Variants in KAT6A observed in about 807,000 individuals in gnomAD.
KAT6A encodes histone acetyltransferase KAT6A.
In KAT6A, 9 loss-of-function variants were observed where a neutral mutation model predicts 198.4. That is an observed-to-expected ratio of 0.05 (90% confidence interval 0.03 to 0.08). KAT6A has a LOEUF of 0.08. Ranked by LOEUF, KAT6A falls within the 10% of genes least tolerant of loss-of-function variation. The pLI, the probability that KAT6A is intolerant of heterozygous loss-of-function variation, is 1.00. For synonymous variants in KAT6A, 890 were observed against 883.0 expected, an observed-to-expected ratio of 1.01 and a Z score of -0.14; for missense variants, 2,077 against 2,509.9, an observed-to-expected ratio of 0.83 and a Z score of 3.69.
rs1450331192 is a variant in KAT6A, at chr8:41,934,355, C to T, written c.3865G>A (p.Glu1289Lys). Reference sequence around the variant, plus strand: ...TCTGGCTCCTCTAATTCCTGCTGCTCCTCCTCTGACTGCCTCTGCTCCTCT... The same window carrying T: ...TCTGGCTCCTCTAATTCCTGCTGCTTCTCCTCTGACTGCCTCTGCTCCTCT... The part of the protein sequence containing the change: ...VSEEQRQSEE[E>K]QQELEEPEPE... Residue 1289 changes from glutamate to lysine, a missense_variant, in exon 17 of 17, where the codon GAG (glutamate) becomes AAG (lysine). This residue lies in a region of KAT6A where 375 missense variants were observed against 383.0 expected (regional missense o/e 0.98). Coordinates refer to ENST00000265713, the MANE Select transcript of KAT6A (RefSeq NM_006766.5). 5.0e-6 allele frequency: 8 copies of T among 1,613,596 alleles called. No individual in the cohort carries two copies. Among genetic ancestry groups the T allele is most frequent in the Non-Finnish European group, 6.8e-6 (8 of 1,179,652 alleles).
At chr8:41,942,271 T>C in intron 14 of KAT6A, 1 of 226,312 alleles carries the variant, frequency 4.4e-6, no homozygotes, top group Non-Finnish European at 8.8e-6. Context: ...AATAGTTACT[T>C]AATATTCTAT....
chr8:41,933,026 A>G lies in KAT6A; in HGVS notation c.5194T>C (p.Tyr1732His). ...CCAAAATCCCCTGGAATCCTCTCAT[A>G]GATACTTATGTTCCCAGTGCTTCCA... ...ESGSTGNISIYERIPGDFGAG... is the reference protein window; with the variant it reads ...ESGSTGNISIHERIPGDFGAG... Residue 1732 changes from tyrosine to histidine, a missense_variant, in exon 17 of 17, where the codon TAT becomes CAT. Coordinates refer to ENST00000265713, the MANE Select transcript of KAT6A (RefSeq NM_006766.5). This position sits in a 1 kb window ranked among gnomAD's most constrained non-coding sequence, Gnocchi z 6.2. 1 of 1,613,484 alleles carries G rather than the reference A, an allele frequency of 6.2e-7. No individual in the cohort carries two copies. The highest frequency in any genetic ancestry group is 1.1e-5 in the South Asian group (1 of 91,050).
At chr8:41,944,261 A>G (rs988549896) in intron 12 of KAT6A, among the ~76,000 whole-genome samples, 4 of 152,224 alleles carry the variant, frequency 2.6e-5, no homozygotes, top group Non-Finnish European at 5.9e-5. Context: ...CAGGACTGTT[A>G]ACAGTTTCGT....
At chr8:42,029,570 T>G (rs976702147) in intron 2 of KAT6A, among the ~76,000 whole-genome samples, 8 of 137,414 alleles carry the variant, frequency 5.8e-5, no homozygotes, top group African/African-American at 1.4e-4. Flanking sequence ...TTTTTTTTTG[T>G]TTTTTTTTTT....
At chr8:42,032,619 C>CA (rs1194403554) in intron 2 of KAT6A, among the ~76,000 whole-genome samples, 1 of 151,986 alleles carries the variant, frequency 6.6e-6, no homozygotes, top group African/African-American at 2.4e-5. Flanking sequence ...TATAAAGTCT[C>CA]AAAAAGACAA....
At chr8:41,987,944 T>C (rs1421611741) in intron 2 of KAT6A, among the ~76,000 whole-genome samples, 2 of 152,188 alleles carry the variant, frequency 1.3e-5, no homozygotes, top group African/African-American at 2.4e-5. Flanking sequence ...CAGTAAGATA[T>C]ATACAAGTAA....
intron 15 of KAT6A, 52 bp downstream of exon 15, chr8:41,940,790 G>C: frequency 6.4e-7 from 1 of 1,561,398 alleles, no homozygotes; most frequent in South Asian, 1.2e-5. Context: ...ACGAGAAGGT[G>C]TAAGATAAAC....
intron 2 of KAT6A, among the ~76,000 whole-genome samples, chr8:42,047,838 C>T (rs183282733): frequency 6.6e-6 from 1 of 152,268 alleles, no homozygotes; most frequent in African/African-American, 2.4e-5. Flanking sequence ...ATACAAACAG[C>T]AGAAACAAGA....
intron 14 of KAT6A, chr8:41,942,410 C>G: frequency 3.7e-6 from 1 of 268,904 alleles, no homozygotes; most frequent in Non-Finnish European, 7.2e-6. Context: ...CCTCCTAAAG[C>G]GCTGAGATTA....
intron 8 of KAT6A, among the ~76,000 whole-genome samples, chr8:41,963,459 T>C (rs1233913318): frequency 6.6e-6 from 1 of 152,198 alleles, no homozygotes; most frequent in Non-Finnish European, 1.5e-5. Context: ...ACCTACTTGG[T>C]TCTGCCCTCT....
rs190888555 is a variant in KAT6A at position 41,953,971 on chromosome 8, G to C, written c.1598+1325C>G. Among the ~76,000 whole-genome samples, 4 of 152,250 alleles carry C rather than the reference G, an allele frequency of 2.6e-5. No individual in the cohort carries two copies. The East Asian group carries it at 7.7e-4, about 29-fold the overall frequency. ...TTATCTTAAAGTCACATTAATTGTT[G>C]TCAGCTCATGAAACAGTGTGCTTCC... On this transcript the variant is annotated intron_variant, in intron 9 of 16. Coordinates refer to ENST00000265713, the MANE Select transcript of KAT6A (RefSeq NM_006766.5).
At position 41,930,026 on chromosome 8, in the gene KAT6A, GATA is replaced by G. The variant is rs1563999397; in HGVS notation, c.*2176_*2178del. On this transcript the variant is annotated 3_prime_UTR_variant, in exon 17 of 17. Coordinates refer to ENST00000265713, the MANE Select transcript of KAT6A (RefSeq NM_006766.5). The stretch of plus-strand genomic sequence containing the variant: ...GACAGGTACCAATATTACTGTGTTG[GATA>G]ATTTCTTTTATAATATAGAAAAGAA... 1 of 224,060 alleles carries G rather than the reference GATA, an allele frequency of 4.5e-6. No homozygotes were observed. The allele number at this position is 224,060 out of a possible 1,614,324, so 13.9% of individuals were successfully genotyped here.
chr8:42,019,725 A>G (rs988823411), intron 2 of KAT6A, among the ~76,000 whole-genome samples: 2 of 152,150 alleles, frequency 1.3e-5, no homozygotes, highest in East Asian at 1.9e-4. Flanking sequence ...ACAGTTTTCA[A>G]TATTGTCCAG....
At chr8:41,954,066 T>A (rs1343319837) in intron 9 of KAT6A, among the ~76,000 whole-genome samples, 1 of 152,050 alleles carries the variant, frequency 6.6e-6, no homozygotes, top group Non-Finnish European at 1.5e-5. Flanking sequence ...CTGTGTTTCA[T>A]GAGCTTGTGT....
rs72640388 is a variant in KAT6A, at chr8:41,940,812, G to A, written c.3039+30C>T. The A allele has an allele frequency of 0.031, 49,179 of 1,580,394 alleles. 891 individuals are homozygous for A. Among genetic ancestry groups the A allele is most frequent in the Middle Eastern group, 0.049 (289 of 5,900 alleles). ...GGTGTAAGATAAACTGGAATTGGAG[G>A]AAGAGAAGACCTGGAAAGAAATGCG... On this transcript the variant is annotated intron_variant, in intron 15 of 16. Coordinates refer to ENST00000265713, the MANE Select transcript of KAT6A (RefSeq NM_006766.5).
In KAT6A at chr8:42,045,551, A is replaced by C. The variant is rs191857669; in HGVS notation, c.600+2827T>G. On this transcript the variant is annotated intron_variant, in intron 2 of 16. Coordinates refer to ENST00000265713, the MANE Select transcript of KAT6A (RefSeq NM_006766.5). ...CACTCCAGCCTGGGCAACAAGAGCGAAATTCCATCTCAAAAAAAAAAAAAA... is the reference window on the plus strand; with the variant it reads ...CACTCCAGCCTGGGCAACAAGAGCGCAATTCCATCTCAAAAAAAAAAAAAA... Among the ~76,000 whole-genome samples the C allele has an allele frequency of 2.0e-3, 293 of 149,650 alleles. 1 individual carries two copies. The highest frequency in any genetic ancestry group is 3.5e-3 in the Middle Eastern group (1 of 288).
At chr8:42,022,897 TAC>T (rs1185076358) in intron 2 of KAT6A, among the ~76,000 whole-genome samples, 2 of 152,346 alleles carry the variant, frequency 1.3e-5, no homozygotes, top group African/African-American at 2.4e-5. Context: ...TCCTTTAAGA[TAC>T]AGTCATGTGT....
chr8:41,974,938 C>T, intron 7 of KAT6A, 116 bp from the exon 8 acceptor site: 1 of 554,512 alleles, frequency 1.8e-6, no homozygotes, highest in South Asian at 2.9e-5. Context: ...AAGAATATAG[C>T]ATTAAACTGA....
At chr8:41,954,577 T>C (rs1822836333) in intron 9 of KAT6A, among the ~76,000 whole-genome samples, 1 of 152,198 alleles carries the variant, frequency 6.6e-6, no homozygotes, top group South Asian at 2.1e-4. Flanking sequence ...AAAGAAAAAA[T>C]ATAATAACTG....
Sources: gnomAD v4.1 joint callset for allele counts (sites outside exome capture counted in the v4.1 genomes callset) on GRCh38, gnomAD v4.1.1 for gene constraint, gnomAD v4.1.1 regional missense constraint, Gnocchi (gnomAD v3.1) non-coding constraint, MANE v1.5 for transcripts, NCBI Gene and HGNC (gene_info 2026-07-23, HGNC 2026-07-21) for gene names.